Variants in CLSTN1 observed in about 807,000 individuals in gnomAD.
CLSTN1 encodes the protein calsyntenin-1.
CLSTN1 carries 28 observed loss-of-function variants against 108.3 expected under a neutral mutation model. The ratio of observed to expected loss-of-function variants is 0.26; its 90% CI spans 0.19 to 0.35. CLSTN1 has a LOEUF of 0.35. Among genes scored for constraint, CLSTN1 ranks in the 10% least tolerant of loss-of-function variants. CLSTN1 has a pLI of 1.00. For missense variants in CLSTN1, 1,157 were observed against 1,302.6 expected (o/e 0.89, Z 1.72); for synonymous variants, 524 against 534.9 (o/e 0.98, Z 0.28).
chr1:9,805,199 C>T (rs1478772328), intron 1 of CLSTN1, among the ~76,000 whole-genome samples: 1 of 152,272 alleles, frequency 6.6e-6, no homozygotes, highest in East Asian at 1.9e-4. Context: ...TGAACTAACT[C>T]TCATTTCGTT....
chr1:9,772,941 C>T (rs1447238828), intron 2 of CLSTN1, among the ~76,000 whole-genome samples: 1 of 152,148 alleles, frequency 6.6e-6, no homozygotes, highest in African/African-American at 2.4e-5. Flanking sequence ...CTCAGGTCCT[C>T]CCAGACCCGC....
intron 2 of CLSTN1, among the ~76,000 whole-genome samples, chr1:9,769,739 C>G (rs560512633): frequency 6.6e-5 from 10 of 152,260 alleles, no homozygotes; most frequent in African/African-American, 2.4e-4. Flanking sequence ...ATGAGCTGTA[C>G]ACTTTAAAAG....
At chr1:9,793,552 A>C (rs1244144428) in intron 1 of CLSTN1, among the ~76,000 whole-genome samples, 1 of 151,528 alleles carries the variant, frequency 6.6e-6, no homozygotes, top group Non-Finnish European at 1.5e-5. Context: ...CAATGGCCTC[A>C]CAGAAGGTTC....
At chr1:9,784,224 C>T (rs1229514675) in intron 1 of CLSTN1, among the ~76,000 whole-genome samples, 1 of 150,612 alleles carries the variant, frequency 6.6e-6, no homozygotes, top group Non-Finnish European at 1.5e-5. Flanking sequence ...GCACCTGTAA[C>T]CCCAGCTACT....
chr1:9,778,192 T>C (rs1653047248), intron 1 of CLSTN1, among the ~76,000 whole-genome samples: 1 of 149,740 alleles, frequency 6.7e-6, no homozygotes, highest in Non-Finnish European at 1.5e-5. Flanking sequence ...TCAGTAAGTA[T>C]CAAAAGGTGG....
At chr1:9,771,749 A>G (rs1652693348) in intron 2 of CLSTN1, among the ~76,000 whole-genome samples, 1 of 152,154 alleles carries the variant, frequency 6.6e-6, no homozygotes, top group Non-Finnish European at 1.5e-5. Flanking sequence ...ATTAATAAAC[A>G]CACAAAACAA....
chr1:9,738,785 A>T (rs1207718270), intron 10 of CLSTN1, among the ~76,000 whole-genome samples: 1 of 152,092 alleles, frequency 6.6e-6, no homozygotes, highest in Non-Finnish European at 1.5e-5. Flanking sequence ...AGTAACTGGG[A>T]TTACAGGCGC....
chr1:9,757,364 C>T (rs1242665566), intron 2 of CLSTN1, among the ~76,000 whole-genome samples: 1 of 151,184 alleles, frequency 6.6e-6, no homozygotes, highest in Non-Finnish European at 1.5e-5. Context: ...ACCTCAGCCT[C>T]CCGAGTAGCT....
chr1:9,743,108 T>A (rs1019002328), intron 9 of CLSTN1, among the ~76,000 whole-genome samples: 1 of 152,218 alleles, frequency 6.6e-6, no homozygotes, highest in Non-Finnish European at 1.5e-5. Flanking sequence ...ACAAATAAAA[T>A]GATGATAAGG....
At chr1:9,812,934 T>G (rs1654822835) in intron 1 of CLSTN1, among the ~76,000 whole-genome samples, 1 of 144,100 alleles carries the variant, frequency 6.9e-6, no homozygotes, top group Non-Finnish European at 1.5e-5. Context: ...GAGGCTGAGG[T>G]GGGAGGATCA....
intron 4 of CLSTN1, among the ~76,000 whole-genome samples, chr1:9,752,791 G>C (rs1227666335): frequency 6.6e-6 from 1 of 152,204 alleles, no homozygotes; most frequent in African/African-American, 2.4e-5. Context: ...GAACCCTGGA[G>C]GTGGAGGTTG....
At chr1:9,738,009 A>G (rs112430874) in intron 10 of CLSTN1, among the ~76,000 whole-genome samples, 3,324 of 152,292 alleles carry the variant, frequency 0.022, 141 homozygotes, top group African/African-American at 0.071. Context: ...CATAGCACAC[A>G]CGTGTCCCAA....
At chr1:9,781,471 T>C (rs1215353008) in intron 1 of CLSTN1, among the ~76,000 whole-genome samples, 2 of 151,854 alleles carry the variant, frequency 1.3e-5, no homozygotes, top group Admixed American at 6.6e-5. Flanking sequence ...GAGGCGGAGT[T>C]TCGCTCTTGT....
intron 1 of CLSTN1, among the ~76,000 whole-genome samples, chr1:9,788,700 T>C (rs1161381641): frequency 6.6e-6 from 1 of 150,888 alleles, no homozygotes; most frequent in Non-Finnish European, 1.5e-5. Context: ...ACCCCATCTC[T>C]ACTAAAAAAT....
intron 5 of CLSTN1, 28 bp downstream of exon 5, chr1:9,751,445 G>A (rs746508402): frequency 1.5e-5 from 24 of 1,610,264 alleles, no homozygotes; most frequent in Middle Eastern, 3.3e-4. Flanking sequence ...TGTCTACCTA[G>A]CTGAAAAGCC....
intron 1 of CLSTN1, among the ~76,000 whole-genome samples, chr1:9,795,791 C>A (rs1449759866): frequency 6.6e-6 from 1 of 150,740 alleles, no homozygotes; most frequent in African/African-American, 2.4e-5. Context: ...CCTGTATCTA[C>A]AGAAAAATTT....
chr1:9,787,139 G>C (rs775537862), intron 1 of CLSTN1, among the ~76,000 whole-genome samples: 1 of 150,860 alleles, frequency 6.6e-6, no homozygotes, highest in Non-Finnish European at 1.5e-5. Context: ...TCCCCAACTA[G>C]AACTGAGAGC....
Position 9,733,422 on chromosome 1 carries a change from G to A in CLSTN1, c.2406C>T (p.Ile802=), listed in dbSNP as rs372309624. 1.2e-6 allele frequency: 2 copies of A among 1,614,228 alleles called. No homozygotes were observed. Among genetic ancestry groups the A allele is most frequent in the Non-Finnish European group, 1.7e-6 (2 of 1,180,036 alleles). Residue 802 remains isoleucine (I), a synonymous_variant, in exon 16 of 19, where the codon ATC becomes ATT. Transcript: ENST00000377298. ...TCACCTCCACCTTAAATTCGTTGCT[G>A]ATGTAGCGGCCATTCAGCTCTGAGC... ...LICSELNGRY[I]SNEFKVEVNV... is the part of the protein sequence containing the mutation.
intron 10 of CLSTN1, among the ~76,000 whole-genome samples, chr1:9,738,023 TG>T (rs1650783394): frequency 6.6e-6 from 1 of 152,206 alleles, no homozygotes; most frequent in African/African-American, 2.4e-5. Context: ...GTCCCAAGCC[TG>T]GTACACAGTA....
Sources: gnomAD v4.1 joint callset for allele counts (sites outside exome capture counted in the v4.1 genomes callset) on GRCh38, gnomAD v4.1.1 for gene constraint, MANE v1.5 for transcripts, NCBI Gene and HGNC (gene_info 2026-07-23, HGNC 2026-07-21) for gene names.